Variants in HHIPL1 observed in about 807,000 individuals in gnomAD.
HHIPL1 encodes HHIP-like protein 1.
Under a neutral mutation model 61.8 loss-of-function variants are expected in HHIPL1, and 43 were observed. The observed-to-expected ratio is 0.70, with a 90% confidence interval of 0.55 to 0.90. The LOEUF is 0.90. Among genes scored for constraint, HHIPL1 ranks in the 40% least tolerant of loss-of-function variants. HHIPL1 has a pLI of 0.00. For synonymous variants in HHIPL1, 482 were observed against 515.8 expected (o/e 0.93, Z 0.89); for missense variants, 1,056 against 1,157.7 (o/e 0.91, Z 1.28).
chr14:99,670,861 A>C (rs2056319735), intron 7 of HHIPL1, among the ~76,000 whole-genome samples: 1 of 152,148 alleles, frequency 6.6e-6, no homozygotes, highest in African/African-American at 2.4e-5. Context: ...GGTTATTTCC[A>C]ATTTTCAAAA....
Position 99,672,349 on chromosome 14 carries a change from CT to C in HHIPL1, c.1764del (p.Ala589LeufsTer3). Reference protein sequence around the residue: ...RAPPGKCQIQPAQVKIRSRLI... With the variant: ...RAPPGKCQIQXAQVKIRSRLI... Reference sequence around the variant, plus strand: ...CCACCTGGCAAATGTCAGATCCAGCCTGCTCAGGTGAAGATCAGAAGCCGTC... The same window carrying C: ...CCACCTGGCAAATGTCAGATCCAGCCGCTCAGGTGAAGATCAGAAGCCGTC... On this transcript the variant is annotated frameshift_variant, in exon 8 of 9. Transcript: ENST00000330710. LOFTEE classifies it low-confidence loss of function (END_TRUNC). 1 of 1,551,274 alleles carries C rather than the reference CT, an allele frequency of 6.4e-7. No homozygotes were observed. The highest frequency in any genetic ancestry group is 8.7e-7 in the Non-Finnish European group (1 of 1,146,944).
the HHIPL1 span, among the ~76,000 whole-genome samples, chr14:99,621,756 C>T: frequency 9.3e-6 from 1 of 107,360 alleles, no homozygotes; most frequent in Non-Finnish European, 1.7e-5. Flanking sequence ...TGCTCTGTTG[C>T]CCAGGCTGGA....
At chr14:99,628,755 C>T in the HHIPL1 span, among the ~76,000 whole-genome samples, 2 of 152,246 alleles carry the variant, frequency 1.3e-5, no homozygotes, top group African/African-American at 4.8e-5. Flanking sequence ...GTTGCACAGT[C>T]CAGTGGGTCC....
the HHIPL1 span, among the ~76,000 whole-genome samples, chr14:99,627,958 G>T: frequency 6.6e-6 from 1 of 152,190 alleles, no homozygotes; most frequent in African/African-American, 2.4e-5. The surrounding 1 kb of genome is among the most constrained non-coding windows in gnomAD (Gnocchi z 4.4). Flanking sequence ...ATCTGCACCT[G>T]ATTCTTTAGG....
chr14:99,637,573 A>G, the HHIPL1 span, among the ~76,000 whole-genome samples: 1 of 149,272 alleles, frequency 6.7e-6, no homozygotes, highest in African/African-American at 2.4e-5. Context: ...CTCCGTCTCA[A>G]AAAAAAAAAA....
At position 99,660,148 on chromosome 14, in the gene HHIPL1, C is replaced by G. The variant is rs1011190698; in HGVS notation, c.1376-132C>G. 3.6e-6 allele frequency: 4 copies of G among 1,118,722 alleles called. No homozygotes were observed. Among genetic ancestry groups the G allele is most frequent in the African/African-American group, 3.1e-5 (2 of 65,184 alleles). The allele number at this position is 1,118,722 out of a possible 1,614,324, so 69.3% of individuals were successfully genotyped here. Reference sequence around the variant, plus strand: ...CACCACGCCAGCCCTGCTGTGGGCACGCCAGCCCTGCTGTGGGCACGCCCC... The same window carrying G: ...CACCACGCCAGCCCTGCTGTGGGCAGGCCAGCCCTGCTGTGGGCACGCCCC... On this transcript the variant is annotated intron_variant, in intron 4 of 8. Transcript: ENST00000330710. This position sits in a 1 kb window ranked among gnomAD's most constrained non-coding sequence, Gnocchi z 4.9.
the HHIPL1 span, among the ~76,000 whole-genome samples, chr14:99,606,105 G>A: frequency 1.3e-5 from 2 of 152,150 alleles, no homozygotes; most frequent in East Asian, 1.9e-4. Context: ...TCTCCCACCC[G>A]TTCGCCACTC....
rs2056386527 is a variant in HHIPL1 at position 99,675,871 on chromosome 14, C to G, written c.*245C>G. The G allele has an allele frequency of 7.3e-6, 3 of 413,236 alleles. No individual in the cohort carries two copies. In the Admixed American group the frequency reaches 1.3e-4, roughly 18 times the overall value. 25.6% of individuals were successfully genotyped at this position (413,236 alleles called of 1,614,324 possible). On this transcript the variant is annotated 3_prime_UTR_variant, in exon 9 of 9. Transcript: ENST00000330710. The surrounding 1 kb of genome is among the most constrained non-coding windows in gnomAD (Gnocchi z 5.4). ...TGGTCCATCATGGGCGGGAGGAGTTCCTTTCTTACCTCCAAGCGTTTCAGA... is the reference window on the plus strand; with the variant it reads ...TGGTCCATCATGGGCGGGAGGAGTTGCTTTCTTACCTCCAAGCGTTTCAGA...
rs758069586 is a variant in HHIPL1, at chr14:99,657,033, C to T, written c.936C>T (p.Asn312=). The change falls in exon 3 of 9, where the codon AAC becomes AAT. Residue 312 remains asparagine (N), a synonymous_variant. Coordinates refer to ENST00000330710, the MANE Select transcript of HHIPL1 (RefSeq NM_001127258.3). ...TGGAGGTCAAAGAACCAGCCTCAAACCACAACGGGGGCCAGCTGCTTTTCG... is the reference window on the plus strand; with the variant it reads ...TGGAGGTCAAAGAACCAGCCTCAAATCACAACGGGGGCCAGCTGCTTTTCG... The part of the protein sequence containing the change: ...IILEVKEPAS[N]HNGGQLLFGD... The T allele has an allele frequency of 4.3e-6, 7 of 1,613,180 alleles. No homozygotes were observed. The highest frequency in any genetic ancestry group is 1.1e-5 in the South Asian group (1 of 90,900).
the HHIPL1 span, among the ~76,000 whole-genome samples, chr14:99,627,974 G>A: frequency 2.6e-5 from 4 of 152,144 alleles, no homozygotes; most frequent in Non-Finnish European, 1.5e-5. The surrounding 1 kb of genome is among the most constrained non-coding windows in gnomAD (Gnocchi z 4.4). Context: ...TTAGGCAGTG[G>A]GAGGGGCGGC....
chr14:99,635,902 G>C, the HHIPL1 span, among the ~76,000 whole-genome samples: 1 of 152,144 alleles, frequency 6.6e-6, no homozygotes, highest in African/African-American at 2.4e-5. Context: ...CTTCAATAAG[G>C]CTGAAACGTG....
chr14:99,647,647 C>T (rs1300936864), intron 1 of HHIPL1, among the ~76,000 whole-genome samples: 4 of 152,210 alleles, frequency 2.6e-5, no homozygotes, highest in African/African-American at 7.2e-5. Context: ...GTTATGGTTT[C>T]ACTGACGGGG....
intron 2 of HHIPL1, among the ~76,000 whole-genome samples, 164 bp from the exon 3 acceptor site, chr14:99,656,836 A>AAAGG (rs1161567456): frequency 0.019 from 137 of 7,078 alleles, 7 homozygotes; most frequent in African/African-American, 0.03. Context: ...AGAAAGAAAG[A>AAAGG]AAGGAAGGAA....
the HHIPL1 span, among the ~76,000 whole-genome samples, chr14:99,618,900 A>G: frequency 7.5e-3 from 1,138 of 152,340 alleles, 13 homozygotes; most frequent in African/African-American, 0.026. Flanking sequence ...AGCCCAGAGC[A>G]GGGCCTGGCC....
At chr14:99,648,163 A>C (rs2055871081) in intron 1 of HHIPL1, among the ~76,000 whole-genome samples, 1 of 152,194 alleles carries the variant, frequency 6.6e-6, no homozygotes, top group South Asian at 2.1e-4. Flanking sequence ...AGACTGACAC[A>C]CACAGGAAGG....
At chr14:99,672,211 G>T in intron 7 of HHIPL1, 106 bp from the exon 8 acceptor site, 1 of 810,576 alleles carries the variant, frequency 1.2e-6, no homozygotes, top group South Asian at 1.5e-5. Context: ...GTGAATGGCC[G>T]CCTGTTACTA....
intron 3 of HHIPL1, among the ~76,000 whole-genome samples, chr14:99,657,873 A>G (rs2056077350): frequency 6.6e-6 from 1 of 151,558 alleles, no homozygotes; most frequent in African/African-American, 2.4e-5. Flanking sequence ...ACACATATAC[A>G]CACACATCCA....
At chr14:99,605,823 A>G in the HHIPL1 span, among the ~76,000 whole-genome samples, 2 of 152,212 alleles carry the variant, frequency 1.3e-5, no homozygotes, top group African/African-American at 2.4e-5. Flanking sequence ...GGCAGCAGGA[A>G]CAGCCAGTGC....
Position 99,668,426 on chromosome 14 carries a change from C to G in HHIPL1, c.1730+123C>G. On this transcript the variant is annotated intron_variant, in intron 7 of 8. Coordinates refer to ENST00000330710, the MANE Select transcript of HHIPL1 (RefSeq NM_001127258.3). This position sits in a 1 kb window ranked among gnomAD's most constrained non-coding sequence, Gnocchi z 4.7. ...TTAATCCCCATTTTCAGACAAGAACCCTGAGGCCCAGAGAGGGACGTGATT... is the reference window on the plus strand; with the variant it reads ...TTAATCCCCATTTTCAGACAAGAACGCTGAGGCCCAGAGAGGGACGTGATT... 2 of 672,808 alleles carry G rather than the reference C, an allele frequency of 3.0e-6. No homozygotes were observed. Among genetic ancestry groups the G allele is most frequent in the Non-Finnish European group, 5.4e-6 (2 of 372,108 alleles). 41.7% of individuals were successfully genotyped at this position (672,808 alleles called of 1,614,324 possible).
Sources: allele counts gnomAD v4.1 joint callset (sites outside exome capture counted in the v4.1 genomes callset), GRCh38; gene constraint gnomAD v4.1.1; non-coding constraint Gnocchi (gnomAD v3.1); transcripts MANE v1.5; gene names NCBI Gene and HGNC (gene_info 2026-07-23, HGNC 2026-07-21).